The following INPP5A variants were observed in gnomAD, a reference collection of about 807,000 sequenced individuals.
The protein encoded by INPP5A is 43 kDa inositol polyphosphate 5-phophatase.
INPP5A carries 14 observed loss-of-function variants against 65.2 expected under a neutral mutation model. The observed-to-expected ratio is 0.21, with a 90% CI of 0.14 to 0.34. The LOEUF (loss-of-function observed/expected upper bound fraction) is 0.34, where lower values mean the gene tolerates loss of function less well. Ranked by LOEUF, INPP5A falls within the 10% of genes least tolerant of loss-of-function variation. The pLI is 1.00. For synonymous variants in INPP5A, 207 were observed against 208.3 expected (o/e 0.99, Z 0.05); for missense variants, 431 against 545.6 (o/e 0.79, Z 2.09).
intron 1 of INPP5A, among the ~76,000 whole-genome samples, chr10:132,596,846 TGC>T (rs1275375971): frequency 2.2e-5 from 3 of 136,920 alleles, no homozygotes; most frequent in East Asian, 2.6e-4. Context: ...CGTGTGTGCA[TGC>T]GTGTGTGTGC....
chr10:132,623,272 A>G (rs945700027), intron 2 of INPP5A, among the ~76,000 whole-genome samples: 1 of 152,254 alleles, frequency 6.6e-6, no homozygotes, highest in Non-Finnish European at 1.5e-5. Context: ...CAATCACAAC[A>G]GTGTGCTCTT....
At chr10:132,658,147 A>G (rs2072684428) in intron 4 of INPP5A, among the ~76,000 whole-genome samples, 1 of 152,244 alleles carries the variant, frequency 6.6e-6, no homozygotes, top group Non-Finnish European at 1.5e-5. Flanking sequence ...GAAGGTGTTG[A>G]AAGTAAATAA....
chr10:132,750,888 A>G (rs1846464033), intron 11 of INPP5A, among the ~76,000 whole-genome samples: 1 of 152,194 alleles, frequency 6.6e-6, no homozygotes, highest in East Asian at 1.9e-4. Flanking sequence ...AGGCGGGTAG[A>G]CCCAGGACAC....
chr10:132,615,024 C>G (rs990943705), intron 2 of INPP5A, among the ~76,000 whole-genome samples: 7 of 152,230 alleles, frequency 4.6e-5, no homozygotes, highest in Non-Finnish European at 5.9e-5. Flanking sequence ...CTTCCCGTGA[C>G]GCGTCCAGCG....
Position 132,692,760 on chromosome 10 carries a change from G to T in INPP5A, c.370+2305G>T, listed in dbSNP as rs1056093315. On this transcript the variant is annotated intron_variant, in intron 5 of 15. Coordinates refer to ENST00000368594, the MANE Select transcript of INPP5A (RefSeq NM_005539.5). ...AGATAAGCAAAAATTGAAGTAATTT[G>T]TTGCCAGTAGACCTGCCTTGCAAGA... Among the ~76,000 whole-genome samples, 7 of 152,324 alleles carry T rather than the reference G, an allele frequency of 4.6e-5. 1 individual carries two copies. The South Asian group carries it at 1.5e-3, about 32-fold the overall frequency.
At chr10:132,540,779 ATCTT>A (rs1288503188) in intron 1 of INPP5A, among the ~76,000 whole-genome samples, 3 of 152,216 alleles carry the variant, frequency 2.0e-5, no homozygotes, top group African/African-American at 7.2e-5. Flanking sequence ...CTGTGAAGGA[ATCTT>A]TCTCGCCCAG....
At chr10:132,747,319 G>A (rs543339646) in intron 9 of INPP5A, among the ~76,000 whole-genome samples, 1 of 152,362 alleles carries the variant, frequency 6.6e-6, no homozygotes, top group African/African-American at 2.4e-5. Flanking sequence ...TGTGACACAT[G>A]AGTCCAAAAG....
intron 3 of INPP5A, among the ~76,000 whole-genome samples, chr10:132,646,649 A>T (rs1045617187): frequency 1.3e-5 from 2 of 152,112 alleles, no homozygotes; most frequent in African/African-American, 4.8e-5. Context: ...GCACATTCCC[A>T]TGTTGGGGGC....
chr10:132,708,910 GCT>G (rs1326316225), intron 7 of INPP5A, among the ~76,000 whole-genome samples: 1 of 152,174 alleles, frequency 6.6e-6, no homozygotes, highest in Non-Finnish European at 1.5e-5. Context: ...CTTCCAGGTG[GCT>G]CCCCAACGTG....
intron 11 of INPP5A, among the ~76,000 whole-genome samples, chr10:132,759,243 C>T (rs1248259836): frequency 1.3e-5 from 2 of 152,188 alleles, no homozygotes. Context: ...TCAGTGCCAG[C>T]TTGGATGCAC....
chr10:132,627,215 G>A lies in INPP5A; in HGVS notation c.118-18653G>A, dbSNP rs2072196654. On this transcript the variant is annotated intron_variant, in intron 2 of 15. Coordinates refer to ENST00000368594, the MANE Select transcript of INPP5A (RefSeq NM_005539.5). The surrounding 1 kb of genome is among the most constrained non-coding windows in gnomAD (Gnocchi z 6.6). ...AGCTCCAGAACTGGGAGAAATACGT[G>A]TCTCGTTTAGGCTCTCTGGTCTGTG... Among the ~76,000 whole-genome samples the A allele has an allele frequency of 6.6e-6, 1 of 152,180 alleles. No individual in the cohort carries two copies. The highest frequency in any genetic ancestry group is 2.4e-5 in the African/African-American group (1 of 41,438).
intron 1 of INPP5A, among the ~76,000 whole-genome samples, chr10:132,562,253 C>T (rs1220938522): frequency 6.6e-6 from 1 of 152,224 alleles, no homozygotes; most frequent in Admixed American, 6.5e-5. Context: ...GGGCTTGATA[C>T]GGCTGGGCCA....
chr10:132,744,377 A>G lies in INPP5A; in HGVS notation c.733-5140A>G, dbSNP rs145184550. Among the ~76,000 whole-genome samples, 11 of 152,194 alleles carry G rather than the reference A, an allele frequency of 7.2e-5. No individual in the cohort carries two copies. In the East Asian group the frequency reaches 2.1e-3, roughly 29 times the overall value. ...CGCAGCAGAGCGGCCGCTGTCACCG[A>G]GGCAATGGCCAGATCAGGAATTCCA... is the stretch of plus-strand genomic sequence containing the variant. On this transcript the variant is annotated intron_variant, in intron 9 of 15. Coordinates refer to ENST00000368594, the MANE Select transcript of INPP5A (RefSeq NM_005539.5).
chr10:132,774,609 C>T (rs1316251893), intron 12 of INPP5A, among the ~76,000 whole-genome samples: 1 of 152,164 alleles, frequency 6.6e-6, no homozygotes, highest in Non-Finnish European at 1.5e-5. Flanking sequence ...TCAGCCCTGC[C>T]CCAAGACCTC....
intron 1 of INPP5A, among the ~76,000 whole-genome samples, chr10:132,544,170 C>T (rs763987667): frequency 9.9e-5 from 15 of 152,238 alleles, no homozygotes; most frequent in Non-Finnish European, 1.5e-4. Flanking sequence ...CTCATCTAGA[C>T]GCACAGCCAT....
intron 2 of INPP5A, among the ~76,000 whole-genome samples, chr10:132,639,264 C>T (rs2072397480): frequency 6.6e-6 from 1 of 150,454 alleles, no homozygotes; most frequent in Admixed American, 6.6e-5. Flanking sequence ...CCTTTGCCTT[C>T]ATTCCTGAGG....
In INPP5A at chr10:132,727,215, C is replaced by A; in HGVS notation, c.732+310C>A. Reference sequence around the variant, plus strand: ...GAGTGCCGTCACAGCGCCACCCCCTCGATGCCCACAGAGCTGCAGCCTCTG... The same window carrying A: ...GAGTGCCGTCACAGCGCCACCCCCTAGATGCCCACAGAGCTGCAGCCTCTG... On this transcript the variant is annotated intron_variant, in intron 9 of 15. Transcript: ENST00000368594. The surrounding 1 kb of genome is among the most constrained non-coding windows in gnomAD (Gnocchi z 6.5). 3.7e-6 allele frequency: 1 copy of A among 273,298 alleles called. No homozygotes were observed. The allele number at this position is 273,298 out of a possible 1,614,324, so 16.9% of individuals were successfully genotyped here.
intron 1 of INPP5A, among the ~76,000 whole-genome samples, chr10:132,556,500 C>T (rs992257039): frequency 2.0e-5 from 3 of 152,276 alleles, no homozygotes; most frequent in South Asian, 4.1e-4. Flanking sequence ...CACACACATG[C>T]ATGTACAAGC....
chr10:132,754,846 T>C (rs1447578516), intron 11 of INPP5A, among the ~76,000 whole-genome samples: 4 of 152,256 alleles, frequency 2.6e-5, no homozygotes, highest in Admixed American at 2.6e-4. Context: ...GGGTTGTTCC[T>C]ATTGGAGTGT....
Sources: allele counts gnomAD v4.1 joint callset (sites outside exome capture counted in the v4.1 genomes callset), GRCh38; gene constraint gnomAD v4.1.1; non-coding constraint Gnocchi (gnomAD v3.1); transcripts MANE v1.5; gene names NCBI Gene and HGNC (gene_info 2026-07-23, HGNC 2026-07-21).